Variants in GSE1 observed in about 807,000 individuals in gnomAD.
The protein encoded by GSE1 is genetic suppressor element 1.
A neutral mutation model predicts 112.6 loss-of-function variants in GSE1; 32 were observed. The ratio of observed to expected loss-of-function variants is 0.28; its 90% CI spans 0.21 to 0.38. The LOEUF is 0.38. Among genes scored for constraint, GSE1 ranks in the 10% least tolerant of loss-of-function variants. The pLI, the probability that GSE1 is intolerant of heterozygous loss-of-function variation, is 1.00. For synonymous variants in GSE1, 1,115 were observed against 735.6 expected (o/e 1.52, Z -8.35); for missense variants, 2,348 against 1,699.2 (o/e 1.38, Z -6.71).
Position 85,354,333 on chromosome 16 carries a change from C to G in GSE1, c.2284-3130C>G, listed in dbSNP as rs556667934. 1.7e-4 allele frequency among the ~76,000 whole-genome samples: 26 copies of G among 152,348 alleles called. No homozygotes were observed. The South Asian group carries it at 5.0e-3, about 29-fold the overall frequency. ...TGTGAGCTCAGATCACTCAGTTCAT[C>G]TCTTCCTGCCTCCATGCCTTGTTGG... is the stretch of plus-strand genomic sequence containing the variant. On this transcript the variant is annotated intron_variant, in intron 1 of 2. Coordinates refer to the GSE1 transcript ENST00000637419.
At chr16:85,566,924 AG>A (rs1307430240) in intron 1 of GSE1, among the ~76,000 whole-genome samples, 1 of 152,162 alleles carries the variant, frequency 6.6e-6, no homozygotes, top group Non-Finnish European at 1.5e-5. Context: ...CATGGGCAGT[AG>A]GGGGCGGTCA....
chr16:85,452,624 T>C (rs2049718111), intron 2 of GSE1, among the ~76,000 whole-genome samples: 1 of 152,238 alleles, frequency 6.6e-6, no homozygotes, highest in African/African-American at 2.4e-5. Context: ...CCTGCCCCAG[T>C]GGGCCCAGGC....
chr16:85,526,520 C>T (rs940707584), intron 2 of GSE1, among the ~76,000 whole-genome samples: 2 of 152,192 alleles, frequency 1.3e-5, no homozygotes, highest in South Asian at 2.1e-4. Context: ...TCAAAGGCAG[C>T]GGCTGCCTGG....
chr16:85,569,720 G>C (rs1425064320), intron 1 of GSE1, among the ~76,000 whole-genome samples: 1 of 152,222 alleles, frequency 6.6e-6, no homozygotes, highest in Non-Finnish European at 1.5e-5. Flanking sequence ...TGTTACGTGT[G>C]TTTTCCCTGC....
At chr16:85,523,485 C>T (rs1387245264) in intron 2 of GSE1, among the ~76,000 whole-genome samples, 1 of 152,190 alleles carries the variant, frequency 6.6e-6, no homozygotes. Context: ...GGCCACACTC[C>T]CCAGATCAGG....
chr16:85,552,191 A>T (rs1028432094), upstream of GSE1, among the ~76,000 whole-genome samples: 1 of 151,776 alleles, frequency 6.6e-6, no homozygotes, highest in African/African-American at 2.4e-5. Context: ...ACACCCAGCT[A>T]ATTTTTTGTA....
intron 2 of GSE1, among the ~76,000 whole-genome samples, chr16:85,549,036 C>G (rs1400638165): frequency 6.6e-6 from 1 of 152,200 alleles, no homozygotes; most frequent in Non-Finnish European, 1.5e-5. Flanking sequence ...ATCCGCCCGC[C>G]TCGGCCTCCC....
chr16:85,633,434 C>A (rs934175244), intron 1 of GSE1, among the ~76,000 whole-genome samples: 1 of 152,228 alleles, frequency 6.6e-6, no homozygotes, highest in Non-Finnish European at 1.5e-5. Flanking sequence ...TGCCTGGCAT[C>A]GTGTGCTTGT....
chr16:85,509,143 C>T (rs796528798), intron 2 of GSE1, among the ~76,000 whole-genome samples: 11 of 152,250 alleles, frequency 7.2e-5, no homozygotes, highest in South Asian at 4.1e-4. Context: ...CCGGGCAGAG[C>T]GGGGTTATCG....
chr16:85,599,830 T>C (rs957803364), intron 1 of GSE1, among the ~76,000 whole-genome samples: 8 of 151,974 alleles, frequency 5.3e-5, no homozygotes, highest in Admixed American at 3.9e-4. Flanking sequence ...AGCCCAGGAG[T>C]TAGAGGCTGC....
At chr16:85,654,093 C>T (rs1333615840) in intron 3 of GSE1, among the ~76,000 whole-genome samples, 185 bp from the exon 4 acceptor site, 1 of 152,184 alleles carries the variant, frequency 6.6e-6, no homozygotes, top group East Asian at 1.9e-4. Context: ...GCCACATCCC[C>T]TTTCTTACGG....
At chr16:85,635,465 C>T (rs2049914778) in intron 2 of GSE1, among the ~76,000 whole-genome samples, 1 of 152,080 alleles carries the variant, frequency 6.6e-6, no homozygotes, top group South Asian at 2.1e-4. Context: ...CAAGATGGCT[C>T]AGGGGGAAGC....
At chr16:85,543,770 A>G (rs1364506881) in intron 2 of GSE1, among the ~76,000 whole-genome samples, 4 of 152,202 alleles carry the variant, frequency 2.6e-5, no homozygotes, top group Non-Finnish European at 4.4e-5. Flanking sequence ...TGGCTGGATT[A>G]TTTAGGCTAT....
intron 2 of GSE1, among the ~76,000 whole-genome samples, chr16:85,412,762 T>C (rs942470300): frequency 5.9e-5 from 9 of 151,912 alleles, no homozygotes; most frequent in East Asian, 1.9e-4. Context: ...GCACTCAGGG[T>C]CCCTCTGATA....
chr16:85,586,026 C>G (rs1419016288), intron 1 of GSE1, among the ~76,000 whole-genome samples: 7 of 152,174 alleles, frequency 4.6e-5, no homozygotes, highest in Non-Finnish European at 8.8e-5. Context: ...CCAAGGCTGG[C>G]TCCCTTTGAG....
At chr16:85,586,263 G>A (rs1332883065) in intron 1 of GSE1, among the ~76,000 whole-genome samples, 1 of 152,264 alleles carries the variant, frequency 6.6e-6, no homozygotes, top group African/African-American at 2.4e-5. Flanking sequence ...CACATTTTGT[G>A]GCACTGGGGG....
intron 1 of GSE1, among the ~76,000 whole-genome samples, chr16:85,181,065 A>G (rs1329009788): frequency 6.6e-6 from 1 of 152,222 alleles, no homozygotes. Context: ...TGGAAAGCTT[A>G]GAGCCGGTGA....
intron 1 of GSE1, among the ~76,000 whole-genome samples, chr16:85,323,268 G>T (rs1310194660): frequency 6.6e-6 from 1 of 152,138 alleles, no homozygotes; most frequent in Non-Finnish European, 1.5e-5. Context: ...AGCATTCAGT[G>T]CCAAAGCCTT....
At chr16:85,501,034 C>G (rs1208536025) in intron 2 of GSE1, among the ~76,000 whole-genome samples, 1 of 103,496 alleles carries the variant, frequency 9.7e-6, no homozygotes, top group African/African-American at 4.1e-5. Flanking sequence ...GAGACGGAGT[C>G]TCACTCTGTT....
Sources: gnomAD v4.1 joint callset for allele counts (sites outside exome capture counted in the v4.1 genomes callset) on GRCh38, gnomAD v4.1.1 for gene constraint, MANE v1.5 for transcripts, NCBI Gene and HGNC (gene_info 2026-07-23, HGNC 2026-07-21) for gene names.